Variants in HCN1 observed in about 807,000 individuals in gnomAD.
HCN1 encodes the protein hyperpolarization activated cyclic nucleotide gated potassium channel 1.
Under a neutral mutation model 78.9 loss-of-function variants are expected in HCN1, and 13 were observed. That is an observed-to-expected ratio of 0.16 (90% confidence interval 0.11 to 0.26). HCN1 has a LOEUF of 0.26. Among genes scored for constraint, HCN1 ranks in the 10% least tolerant of loss-of-function variants. The pLI is 1.00. For synonymous variants in HCN1, 552 were observed against 455.5 expected, an observed-to-expected ratio of 1.21 and a Z score of -2.70; for missense variants, 810 against 1,154.3, an observed-to-expected ratio of 0.70 and a Z score of 4.32.
At chr5:45,314,755 G>C (rs1009076833) in intron 5 of HCN1, among the ~76,000 whole-genome samples, 2 of 152,076 alleles carry the variant, frequency 1.3e-5, no homozygotes, top group African/African-American at 4.8e-5. Flanking sequence ...AAAGGCAGGA[G>C]TTGCAATCCT....
chr5:45,330,144 C>T (rs1321579771), intron 5 of HCN1, among the ~76,000 whole-genome samples: 1 of 151,228 alleles, frequency 6.6e-6, no homozygotes, highest in Non-Finnish European at 1.5e-5. Context: ...ATCAACATTG[C>T]TGAATTACTA....
intron 2 of HCN1, among the ~76,000 whole-genome samples, chr5:45,523,880 C>G (rs1742670028): frequency 6.6e-6 from 1 of 152,126 alleles, no homozygotes; most frequent in South Asian, 2.1e-4. Context: ...TCCCATTTGT[C>G]AATTTTGGCT....
At chr5:45,577,098 T>C (rs1252156462) in intron 2 of HCN1, among the ~76,000 whole-genome samples, 1 of 152,074 alleles carries the variant, frequency 6.6e-6, no homozygotes, top group African/African-American at 2.4e-5. Context: ...TAACAATTAC[T>C]CTCACTACAA....
rs1324501085 is a variant in HCN1, at chr5:45,259,392, C to T, written c.*2529G>A. 1 of 152,336 alleles carries T rather than the reference C, an allele frequency of 6.6e-6. No homozygotes were observed. Among genetic ancestry groups the T allele is most frequent in the Non-Finnish European group, 1.5e-5 (1 of 67,912 alleles). 9.4% of individuals were successfully genotyped at this position (152,336 alleles called of 1,614,324 possible). A position where few individuals can be genotyped will look rare whatever the true frequency, so the allele number is the denominator to read the frequency against. ...ATCAGCTATTCTATTATCTTTCCAGCAGCAGAAAGACCAATGAATAATACA... is the reference window on the plus strand; with the variant it reads ...ATCAGCTATTCTATTATCTTTCCAGTAGCAGAAAGACCAATGAATAATACA... On this transcript the variant is annotated 3_prime_UTR_variant, in exon 8 of 8. Transcript: ENST00000303230.
chr5:45,580,414 A>ATTT (rs1424659497), intron 2 of HCN1, among the ~76,000 whole-genome samples: 1 of 152,068 alleles, frequency 6.6e-6, no homozygotes, highest in Non-Finnish European at 1.5e-5. Flanking sequence ...GGAAAAGGCA[A>ATTT]TGAAACAACT....
intron 2 of HCN1, among the ~76,000 whole-genome samples, chr5:45,535,490 T>G (rs892095483): frequency 6.6e-6 from 1 of 151,950 alleles, no homozygotes; most frequent in Non-Finnish European, 1.5e-5. Flanking sequence ...CCCAGCTACT[T>G]GGGTGGCTGA....
intron 2 of HCN1, chr5:45,644,591 C>A (rs1232204101): frequency 6.6e-6 from 1 of 152,308 alleles, no homozygotes; most frequent in Non-Finnish European, 1.5e-5. Flanking sequence ...GAATATGTTC[C>A]TTTTTAGTAT....
chr5:45,418,111 AG>A (rs1318206857), intron 3 of HCN1, among the ~76,000 whole-genome samples: 1 of 151,954 alleles, frequency 6.6e-6, no homozygotes, highest in African/African-American at 2.4e-5. Context: ...TTAGGAAAAA[AG>A]TAAACAAAGG....
At chr5:45,284,144 A>G (rs1745224451) in intron 6 of HCN1, among the ~76,000 whole-genome samples, 3 of 152,058 alleles carry the variant, frequency 2.0e-5, no homozygotes, top group Non-Finnish European at 2.9e-5. Context: ...ATTTGAGGAT[A>G]GAGGGTAGGA....
intron 2 of HCN1, among the ~76,000 whole-genome samples, chr5:45,593,322 CCTCT>C (rs58723059): frequency 1.3e-3 from 165 of 123,804 alleles, no homozygotes; most frequent in African/African-American, 3.3e-3. Flanking sequence ...TCTCTCTCTC[CCTCT>C]CTCTCTCTCT....
intron 3 of HCN1, among the ~76,000 whole-genome samples, chr5:45,454,680 CT>C (rs1466755734): frequency 6.6e-6 from 1 of 151,818 alleles, no homozygotes; most frequent in Non-Finnish European, 1.5e-5. Flanking sequence ...CGTAATATTA[CT>C]TTGGCTATAT....
intron 2 of HCN1, among the ~76,000 whole-genome samples, chr5:45,597,423 T>C (rs1744524168): frequency 6.6e-6 from 1 of 152,070 alleles, no homozygotes; most frequent in African/African-American, 2.4e-5. Context: ...ATATCTCAAA[T>C]TAATAAGAGC....
At chr5:45,486,648 G>A (rs1741769405) in intron 2 of HCN1, among the ~76,000 whole-genome samples, 2 of 152,060 alleles carry the variant, frequency 1.3e-5, no homozygotes, top group Admixed American at 6.5e-5. Context: ...TAATAGCAAA[G>A]CTACTTTAAA....
intron 5 of HCN1, among the ~76,000 whole-genome samples, chr5:45,304,992 T>A (rs1745698421): frequency 6.6e-6 from 1 of 152,128 alleles, no homozygotes; most frequent in Admixed American, 6.6e-5. Flanking sequence ...CAGTGGAAAT[T>A]TACATTTTTG....
At chr5:45,473,959 C>T (rs767039073) in intron 2 of HCN1, among the ~76,000 whole-genome samples, 3 of 151,878 alleles carry the variant, frequency 2.0e-5, no homozygotes, top group Non-Finnish European at 2.9e-5. Context: ...TTATAATATA[C>T]TCTTTGATAC....
chr5:45,365,506 T>C (rs567734437), intron 4 of HCN1, among the ~76,000 whole-genome samples: 1 of 152,122 alleles, frequency 6.6e-6, no homozygotes, highest in South Asian at 2.1e-4. Context: ...TCCACTTTGC[T>C]GCAAAGGACA....
chr5:45,527,185 A>C (rs1002121179), intron 2 of HCN1, among the ~76,000 whole-genome samples: 1 of 137,126 alleles, frequency 7.3e-6, no homozygotes, highest in South Asian at 2.5e-4. Context: ...CTTCTCATCT[A>C]TCTCTCTGAA....
intron 5 of HCN1, among the ~76,000 whole-genome samples, chr5:45,308,630 T>C (rs1745786309): frequency 6.6e-6 from 1 of 152,100 alleles, no homozygotes; most frequent in African/African-American, 2.4e-5. Context: ...TGTATATATA[T>C]CATGCATTTT....
Position 45,432,042 on chromosome 5 carries a change from G to A in HCN1, c.1011+29804C>T, listed in dbSNP as rs117367294. On this transcript the variant is annotated intron_variant, in intron 3 of 7. Transcript: ENST00000303230. ...TTTTAGGCAGCATGACCATTTTAAC[G>A]ATATTGATTTTTTCCTATCCATGAG... is the stretch of plus-strand genomic sequence containing the variant. Among the ~76,000 whole-genome samples, 54 of 152,198 alleles carry A rather than the reference G, an allele frequency of 3.5e-4. 1 individual carries two copies. The East Asian group carries it at 7.9e-3, about 22-fold the overall frequency.
Sources: allele counts gnomAD v4.1 joint callset (sites outside exome capture counted in the v4.1 genomes callset), GRCh38; gene constraint gnomAD v4.1.1; transcripts MANE v1.5; gene names NCBI Gene and HGNC (gene_info 2026-07-23, HGNC 2026-07-21).